SNTG2: variants seen among roughly 807,000 people sequenced by gnomAD.
SNTG2 encodes the protein gamma-2-syntrophin.
A neutral mutation model predicts 70.9 loss-of-function variants in SNTG2; 74 were observed. The ratio of observed to expected loss-of-function variants is 1.04; its 90% confidence interval spans 0.86 to 1.27. The LOEUF is 1.27. Ranked by LOEUF, SNTG2 falls within the 50% of genes most tolerant of loss-of-function variation. The probability of loss-of-function intolerance (pLI) is 0.00; values close to 1 mark genes in which losing one functional copy is unlikely to be tolerated. For missense variants in SNTG2, 717 were observed against 690.7 expected (o/e 1.04, Z -0.43); for synonymous variants, 278 against 273.8 (o/e 1.02, Z -0.15).
At chr2:1,124,553 C>T (rs1667588794) in intron 4 of SNTG2, among the ~76,000 whole-genome samples, 1 of 152,130 alleles carries the variant, frequency 6.6e-6, no homozygotes, top group African/African-American at 2.4e-5. Context: ...ACCTTAGCCT[C>T]CCAAAATGCT....
intron 14 of SNTG2, among the ~76,000 whole-genome samples, chr2:1,278,664 T>C (rs1679371148): frequency 6.6e-6 from 1 of 152,176 alleles, no homozygotes; most frequent in African/African-American, 2.4e-5. Flanking sequence ...GAAATACCAA[T>C]GCTTCTTTCT....
intron 11 of SNTG2, among the ~76,000 whole-genome samples, chr2:1,239,978 C>G (rs1383956084): frequency 6.6e-6 from 1 of 152,152 alleles, no homozygotes; most frequent in African/African-American, 2.4e-5. Context: ...ACTGCTCTTT[C>G]TGTGGGAATA....
intron 4 of SNTG2, among the ~76,000 whole-genome samples, chr2:1,124,277 G>C (rs970903845): frequency 6.6e-6 from 1 of 150,856 alleles, no homozygotes; most frequent in South Asian, 2.1e-4. Context: ...AAAATATATA[G>C]GGTGGAATAT....
chr2:975,978 C>T (rs1660895157), intron 1 of SNTG2, among the ~76,000 whole-genome samples: 1 of 152,148 alleles, frequency 6.6e-6, no homozygotes, highest in African/African-American at 2.4e-5. Context: ...AACATCAGGA[C>T]AGTCTGTTGT....
intron 9 of SNTG2, among the ~76,000 whole-genome samples, chr2:1,215,671 A>C (rs1040159625): frequency 1.3e-5 from 2 of 151,704 alleles, no homozygotes; most frequent in African/African-American, 4.8e-5. Flanking sequence ...CATCATTTAC[A>C]TTATGCATAT....
intron 1 of SNTG2, among the ~76,000 whole-genome samples, chr2:1,015,200 G>A (rs944201246): frequency 6.6e-6 from 1 of 152,108 alleles, no homozygotes; most frequent in African/African-American, 2.4e-5. Context: ...GTGGGCAGCT[G>A]GGACCATGTT....
chr2:1,236,878 C>T (rs1465341033), intron 9 of SNTG2, among the ~76,000 whole-genome samples: 1 of 152,016 alleles, frequency 6.6e-6, no homozygotes, highest in East Asian at 1.9e-4. Flanking sequence ...TGTATTTTAT[C>T]TTCAGTTAGC....
chr2:1,287,184 A>G (rs1679798560), intron 14 of SNTG2, among the ~76,000 whole-genome samples: 1 of 152,260 alleles, frequency 6.6e-6, no homozygotes, highest in African/African-American at 2.4e-5. Context: ...TTCTGTCTAA[A>G]CAATGAGTGA....
intron 8 of SNTG2, among the ~76,000 whole-genome samples, chr2:1,197,877 A>C (rs1020175288): frequency 6.6e-6 from 1 of 152,184 alleles, no homozygotes; most frequent in Non-Finnish European, 1.5e-5. Context: ...AGTTCTAAAT[A>C]ATGAAATAAA....
At chr2:1,288,908 C>T (rs761470994) in intron 14 of SNTG2, among the ~76,000 whole-genome samples, 1 of 152,164 alleles carries the variant, frequency 6.6e-6, no homozygotes, top group African/African-American at 2.4e-5. Flanking sequence ...CCTGCATTTG[C>T]AGGTCATCCC....
In SNTG2 at chr2:1,112,311, T is replaced by G. The variant is rs1007281741; in HGVS notation, c.325+13901T>G. Reference sequence around the variant, plus strand: ...CCTTACAGTCCTTTGAGGAGGATCCTGTGTACTAAGTGAGGTTTAACCCTT... The same window carrying G: ...CCTTACAGTCCTTTGAGGAGGATCCGGTGTACTAAGTGAGGTTTAACCCTT... On this transcript the variant is annotated intron_variant, in intron 4 of 16. Coordinates refer to ENST00000308624, the MANE Select transcript of SNTG2 (RefSeq NM_018968.4). Among the ~76,000 whole-genome samples, 5 of 151,668 alleles carry G rather than the reference T, an allele frequency of 3.3e-5. 1 individual carries two copies. Among genetic ancestry groups the G allele is most frequent in the African/African-American group, 1.2e-4 (5 of 41,036 alleles).
intron 7 of SNTG2, among the ~76,000 whole-genome samples, chr2:1,170,367 C>G (rs372877763): frequency 6.6e-6 from 1 of 152,176 alleles, no homozygotes; most frequent in East Asian, 1.9e-4. Context: ...AAACCCTGTG[C>G]CAGTTAGTCA....
At chr2:1,247,965 A>G (rs1181324267) in intron 12 of SNTG2, among the ~76,000 whole-genome samples, 2 of 152,200 alleles carry the variant, frequency 1.3e-5, no homozygotes, top group African/African-American at 2.4e-5. Flanking sequence ...ATTCTCCCCA[A>G]ACTGACTGAA....
At chr2:1,328,554 G>A (rs1304681984) in intron 16 of SNTG2, among the ~76,000 whole-genome samples, 2 of 152,064 alleles carry the variant, frequency 1.3e-5, no homozygotes, top group Admixed American at 6.5e-5. Flanking sequence ...GGTATTGAAC[G>A]GGACAGGAGA....
chr2:1,109,112 G>C (rs146121063), intron 4 of SNTG2, among the ~76,000 whole-genome samples: 178 of 152,206 alleles, frequency 1.2e-3, no homozygotes, highest in African/African-American at 4.1e-3. Context: ...TGGGGCGCAG[G>C]GTATGGAGAG....
chr2:1,325,577 A>T (rs1681725554), intron 16 of SNTG2, among the ~76,000 whole-genome samples: 1 of 152,202 alleles, frequency 6.6e-6, no homozygotes, highest in African/African-American at 2.4e-5. Context: ...TAATAGGATG[A>T]TCTCCAAAGT....
Position 1,066,117 on chromosome 2 carries a change from A to AT in SNTG2, c.73-17396dup, listed in dbSNP as rs1663132289. Among the ~76,000 whole-genome samples, 2 of 152,172 alleles carry AT rather than the reference A, an allele frequency of 1.3e-5. 1 individual carries two copies. The highest frequency in any genetic ancestry group is 4.1e-4 in the South Asian group (2 of 4,832). On this transcript the variant is annotated intron_variant, in intron 1 of 16. Transcript: ENST00000308624. Reference sequence around the variant, plus strand: ...AAATAGGAGCCATTACAAGCAATACATTTTTGCCAATAGAAATAAGTTTGT... The same window carrying AT: ...AAATAGGAGCCATTACAAGCAATACATTTTTTGCCAATAGAAATAAGTTTGT...
At chr2:1,159,731 A>G (rs1400060842) in intron 6 of SNTG2, among the ~76,000 whole-genome samples, 1 of 152,208 alleles carries the variant, frequency 6.6e-6, no homozygotes, top group Non-Finnish European at 1.5e-5. Flanking sequence ...AAAAATGAAG[A>G]TGCGAATTTG....
intron 14 of SNTG2, among the ~76,000 whole-genome samples, chr2:1,283,723 G>T (rs778497626): frequency 6.6e-6 from 1 of 152,112 alleles, no homozygotes; most frequent in Non-Finnish European, 1.5e-5. Context: ...GGACGTCCTC[G>T]GGACCATCAC....
Sources: gnomAD v4.1 joint callset for allele counts (sites outside exome capture counted in the v4.1 genomes callset) on GRCh38, gnomAD v4.1.1 for gene constraint, MANE v1.5 for transcripts, NCBI Gene and HGNC (gene_info 2026-07-23, HGNC 2026-07-21) for gene names.